GABRR1: variants seen among roughly 807,000 people sequenced by gnomAD.
The protein encoded by GABRR1 is gamma-aminobutyric acid receptor subunit rho-1.
A neutral mutation model predicts 55.5 loss-of-function variants in GABRR1; 59 were observed. The ratio of observed to expected loss-of-function variants is 1.06; its 90% confidence interval spans 0.86 to 1.32. GABRR1 has a LOEUF of 1.32. Ranked by LOEUF, GABRR1 falls within the 40% of genes most tolerant of loss-of-function variation. The pLI is 0.00. For synonymous variants in GABRR1, 213 were observed against 226.0 expected, an observed-to-expected ratio of 0.94 and a Z score of 0.51; for missense variants, 602 against 619.1, an observed-to-expected ratio of 0.97 and a Z score of 0.29.
intron 5 of GABRR1, among the ~76,000 whole-genome samples, chr6:89,193,165 C>T (rs1490430897): frequency 6.6e-6 from 1 of 152,152 alleles, no homozygotes; most frequent in Non-Finnish European, 1.5e-5. Flanking sequence ...TCTTTATGTC[C>T]CCAGAGCTTG....
chr6:89,230,459 G>A (rs1773265472), intron 1 of GABRR1, among the ~76,000 whole-genome samples: 2 of 150,030 alleles, frequency 1.3e-5, no homozygotes, highest in South Asian at 4.2e-4. Flanking sequence ...TGTCCTTTCT[G>A]TTTGTTAGTT....
At chr6:89,210,593 A>G (rs1445648782) in intron 1 of GABRR1, among the ~76,000 whole-genome samples, 1 of 152,134 alleles carries the variant, frequency 6.6e-6, no homozygotes, top group Admixed American at 6.5e-5. Flanking sequence ...GAGCAGGTCT[A>G]TTTTGCTTAC....
chr6:89,178,160 C>A lies in GABRR1; in HGVS notation c.*610G>T, dbSNP rs1311767468. Reference sequence around the variant, plus strand: ...CAAAATCAGAAGCAATTGCGCCAATCTAAAGAGCTTTTCTTGTGAAGGGGT... The same window carrying A: ...CAAAATCAGAAGCAATTGCGCCAATATAAAGAGCTTTTCTTGTGAAGGGGT... On this transcript the variant is annotated 3_prime_UTR_variant, in exon 10 of 10. Transcript: ENST00000454853. The A allele has an allele frequency of 6.5e-6, 1 of 152,692 alleles. No individual in the cohort carries two copies. The highest frequency in any genetic ancestry group is 1.5e-5 in the Non-Finnish European group (1 of 68,462). 9.5% of individuals were successfully genotyped at this position (152,692 alleles called of 1,614,324 possible).
At chr6:89,196,032 G>A (rs1444539532) in intron 5 of GABRR1, among the ~76,000 whole-genome samples, 1 of 152,212 alleles carries the variant, frequency 6.6e-6, no homozygotes, top group Non-Finnish European at 1.5e-5. Context: ...TTCAGTATTT[G>A]AAAGCTATCA....
At chr6:89,226,604 G>A (rs1478395324) in intron 1 of GABRR1, among the ~76,000 whole-genome samples, 1 of 127,286 alleles carries the variant, frequency 7.9e-6, no homozygotes, top group Non-Finnish European at 1.7e-5. Context: ...TGAGGGCTCT[G>A]TTCTGTTCCA....
At chr6:89,225,310 T>A (rs1334571743) in intron 1 of GABRR1, among the ~76,000 whole-genome samples, 1 of 147,464 alleles carries the variant, frequency 6.8e-6, no homozygotes, top group African/African-American at 2.5e-5. Context: ...CATGTGCACA[T>A]TGTGCAGGTT....
chr6:89,201,025 T>A (rs1029361847), intron 3 of GABRR1, 134 bp downstream of exon 3: 5 of 670,920 alleles, frequency 7.5e-6, no homozygotes, highest in Non-Finnish European at 1.3e-5. Context: ...GTGGGCTCGA[T>A]GTCTTGTCCA....
chr6:89,210,844 G>GATT, intron 1 of GABRR1, among the ~76,000 whole-genome samples: 1 of 152,282 alleles, frequency 6.6e-6, no homozygotes, highest in Admixed American at 6.5e-5. Context: ...AATGCTGAGT[G>GATT]ATTAGTCCTT....
chr6:89,217,330 CA>C lies in GABRR1; in HGVS notation c.-9del. The C allele has an allele frequency of 6.2e-7, 1 of 1,613,762 alleles. No individual in the cohort carries two copies. Reference sequence around the variant, plus strand: ...ATTTGGGACAGCCAACATGGGTTTCCAAATTCAAACAGCTCTCTCCAGAAAC... The same window carrying C: ...ATTTGGGACAGCCAACATGGGTTTCCAATTCAAACAGCTCTCTCCAGAAAC... On this transcript the variant is annotated 5_prime_UTR_variant, in exon 1 of 10. Transcript: ENST00000454853.
chr6:89,179,882 G>C (rs1771663601), intron 9 of GABRR1, among the ~76,000 whole-genome samples: 1 of 152,080 alleles, frequency 6.6e-6, no homozygotes, highest in Non-Finnish European at 1.5e-5. Flanking sequence ...ACATATGAAG[G>C]AAGATTTCCT....
In GABRR1 at chr6:89,187,060, T is replaced by G. The variant is rs1052878274; in HGVS notation, c.656-1610A>C. ...AGGGAGTGCCAGTGTTCAGGAGGAG[T>G]GTAGGAGTCACAGGGGTGTCCACTG... On this transcript the variant is annotated intron_variant, in intron 6 of 9. Coordinates refer to ENST00000454853, the MANE Select transcript of GABRR1 (RefSeq NM_002042.5). 2.6e-5 allele frequency among the ~76,000 whole-genome samples: 4 copies of G among 151,484 alleles called. No homozygotes were observed. In the South Asian group the frequency reaches 8.3e-4, roughly 31 times the overall value.
At chr6:89,183,186 A>C (rs1771784383) in intron 7 of GABRR1, among the ~76,000 whole-genome samples, 1 of 149,860 alleles carries the variant, frequency 6.7e-6, no homozygotes, top group South Asian at 2.1e-4. Context: ...AAGGCCTTAT[A>C]TGCGTGAGAT....
intron 8 of GABRR1, among the ~76,000 whole-genome samples, chr6:89,180,703 CT>C (rs1771691520): frequency 6.6e-6 from 1 of 152,164 alleles, no homozygotes; most frequent in Non-Finnish European, 1.5e-5. Flanking sequence ...CCTTTCGCCC[CT>C]CTGCATACCC....
At position 89,178,912 on chromosome 6, in the gene GABRR1, C is replaced by T; in HGVS notation, c.1298G>A (p.Arg433Lys). 1.2e-6 allele frequency: 2 copies of T among 1,614,186 alleles called. No individual in the cohort carries two copies. Among genetic ancestry groups the T allele is most frequent in the Non-Finnish European group, 1.7e-6 (2 of 1,180,024 alleles). ...CTGACTTTTCCTCTGTGGGGAGCTC[C>T]TCTCTGAGGCCAGGGTCAGCTGCAC... ...MMVQLTLASERSSPQRKSQRS... is the reference protein window; with the variant it reads ...MMVQLTLASEKSSPQRKSQRS... The change falls in exon 10 of 10, where the codon AGG becomes AAG. Residue 433 changes from arginine to lysine, a missense_variant. Arg to Lys is a conservative substitution (Grantham distance 26, BLOSUM62 2). Transcript: ENST00000454853.
chr6:89,217,050 G>T (rs1773007056), intron 1 of GABRR1, 151 bp downstream of exon 1: 2 of 694,210 alleles, frequency 2.9e-6, no homozygotes, highest in South Asian at 4.6e-5. Flanking sequence ...TCTAAAAGGG[G>T]AGCAGCAGGA....
At chr6:89,184,298 G>A (rs973660119) in intron 7 of GABRR1, among the ~76,000 whole-genome samples, 10 of 149,494 alleles carry the variant, frequency 6.7e-5, no homozygotes, top group Non-Finnish European at 1.0e-4. Context: ...ACAATTCATC[G>A]ATGTAATCAA....
At chr6:89,216,480 T>C (rs567573015) in intron 1 of GABRR1, among the ~76,000 whole-genome samples, 3 of 152,318 alleles carry the variant, frequency 2.0e-5, no homozygotes, top group African/African-American at 7.2e-5. Flanking sequence ...TATTGACTGA[T>C]GCCGGGCAAG....
At chr6:89,223,203 C>G (rs1773139107) in intron 1 of GABRR1, among the ~76,000 whole-genome samples, 1 of 152,156 alleles carries the variant, frequency 6.6e-6, no homozygotes, top group African/African-American at 2.4e-5. Flanking sequence ...TCACCTCCTT[C>G]CCACCCTTTC....
chr6:89,224,721 C>A (rs1773169479), intron 1 of GABRR1, among the ~76,000 whole-genome samples: 2 of 152,024 alleles, frequency 1.3e-5, no homozygotes, highest in Non-Finnish European at 1.5e-5. Context: ...CATTTGGGTT[C>A]TTGGTCATGA....
Sources: allele counts gnomAD v4.1 joint callset (sites outside exome capture counted in the v4.1 genomes callset), GRCh38; gene constraint gnomAD v4.1.1; transcripts MANE v1.5; gene names NCBI Gene and HGNC (gene_info 2026-07-23, HGNC 2026-07-21).